Variants in KCNIP4 observed in about 807,000 individuals in gnomAD.
KCNIP4 encodes Kv channel-interacting protein 4.
In KCNIP4, 12 loss-of-function variants were observed where a neutral mutation model predicts 34.0. The ratio of observed to expected loss-of-function variants is 0.35; its 90% CI spans 0.23 to 0.57. KCNIP4 has a LOEUF of 0.57. Ranked by LOEUF, KCNIP4 falls within the 20% of genes least tolerant of loss-of-function variation. The pLI is 0.83. For synonymous variants in KCNIP4, 124 were observed against 102.2 expected (o/e 1.21, Z -1.29); for missense variants, 238 against 311.7 (o/e 0.76, Z 1.78).
At chr4:20,912,463 A>G (rs1472495131) in intron 1 of KCNIP4, among the ~76,000 whole-genome samples, 1 of 152,192 alleles carries the variant, frequency 6.6e-6, no homozygotes, top group Admixed American at 6.5e-5. Flanking sequence ...CACCTGTAAC[A>G]TAACAACTAG....
At chr4:21,532,944 C>T (rs1470818872) in intron 1 of KCNIP4, among the ~76,000 whole-genome samples, 5 of 135,286 alleles carry the variant, frequency 3.7e-5, no homozygotes, top group African/African-American at 1.2e-4. Flanking sequence ...TGTTAGATTT[C>T]CTATTAAAAG....
intron 2 of KCNIP4, among the ~76,000 whole-genome samples, chr4:20,860,880 G>A (rs1267181297): frequency 6.6e-6 from 1 of 152,096 alleles, no homozygotes; most frequent in Admixed American, 6.6e-5. Flanking sequence ...GATACATCAG[G>A]ACAAAGAAAA....
intron 1 of KCNIP4, among the ~76,000 whole-genome samples, chr4:21,034,596 C>T (rs1382927530): frequency 1.3e-5 from 2 of 152,052 alleles, no homozygotes; most frequent in Non-Finnish European, 2.9e-5. Context: ...CTGGGGACAG[C>T]CTGAGAAATG....
intron 1 of KCNIP4, among the ~76,000 whole-genome samples, chr4:21,497,254 T>G (rs1015368395): frequency 3.3e-5 from 5 of 152,172 alleles, no homozygotes; most frequent in Non-Finnish European, 7.4e-5. Context: ...AAGATTGATA[T>G]AGTGCACACA....
intron 1 of KCNIP4, among the ~76,000 whole-genome samples, chr4:21,932,036 C>T (rs1200005645): frequency 1.3e-5 from 2 of 152,104 alleles, no homozygotes; most frequent in Non-Finnish European, 2.9e-5. Flanking sequence ...AGTCAGCAGA[C>T]ATCAGACCCA....
At chr4:20,985,054 A>T (rs1577486378) in intron 1 of KCNIP4, among the ~76,000 whole-genome samples, 1 of 152,170 alleles carries the variant, frequency 6.6e-6, no homozygotes, top group Admixed American at 6.5e-5. Context: ...TTTGTTGGTT[A>T]TCTCCAGTCT....
rs146911329 is a variant in KCNIP4 at position 20,973,438 on chromosome 4, G to C, written c.62-90729C>G. Among the ~76,000 whole-genome samples, 6 of 152,310 alleles carry C rather than the reference G, an allele frequency of 3.9e-5. No individual in the cohort carries two copies. In the East Asian group the frequency reaches 9.7e-4, roughly 25 times the overall value. ...GGGTTAAGTTTTGAATTAAGGGAAG[G>C]TTGTGGCTGGTTTGATATTCTATTC... is the stretch of plus-strand genomic sequence containing the variant. On this transcript the variant is annotated intron_variant, in intron 1 of 8. Transcript: ENST00000382152.
chr4:20,766,285 G>T (rs575369093), intron 3 of KCNIP4, among the ~76,000 whole-genome samples: 1 of 152,150 alleles, frequency 6.6e-6, no homozygotes, highest in Non-Finnish European at 1.5e-5. Flanking sequence ...AGCAACTTTA[G>T]AGGCCAGGCA....
intron 1 of KCNIP4, among the ~76,000 whole-genome samples, chr4:20,966,944 G>A (rs1305202320): frequency 1.3e-5 from 2 of 152,262 alleles, no homozygotes; most frequent in South Asian, 4.2e-4. Flanking sequence ...ATGGGCAGGA[G>A]AACTGAGGTT....
chr4:21,414,513 T>A (rs1244304795), intron 1 of KCNIP4, among the ~76,000 whole-genome samples: 4 of 152,160 alleles, frequency 2.6e-5, no homozygotes, highest in Non-Finnish European at 5.9e-5. Flanking sequence ...GTTGCTATGA[T>A]AAACATTATG....
intron 1 of KCNIP4, among the ~76,000 whole-genome samples, chr4:21,447,067 A>G (rs1728084623): frequency 6.6e-6 from 1 of 152,126 alleles, no homozygotes. Flanking sequence ...GGCCTGCCCT[A>G]CAAGTTTTAT....
At chr4:21,256,011 T>C (rs1761039839) in intron 1 of KCNIP4, among the ~76,000 whole-genome samples, 1 of 151,720 alleles carries the variant, frequency 6.6e-6, no homozygotes, top group Admixed American at 6.6e-5. Flanking sequence ...AAGAACCACA[T>C]AGCAGGCTAG....
intron 1 of KCNIP4, among the ~76,000 whole-genome samples, chr4:21,439,021 G>A (rs930714450): frequency 7.2e-5 from 11 of 152,080 alleles, no homozygotes; most frequent in African/African-American, 1.4e-4. Context: ...AATTAACCGG[G>A]CGTGGCGGCG....
intron 1 of KCNIP4, among the ~76,000 whole-genome samples, chr4:21,558,706 T>A (rs756890062): frequency 2.9e-4 from 44 of 152,186 alleles, no homozygotes; most frequent in Non-Finnish European, 5.0e-4. Flanking sequence ...ATCAAAGTGA[T>A]GATTAAAGAA....
chr4:21,910,132 A>G (rs1228117066), intron 1 of KCNIP4, among the ~76,000 whole-genome samples: 1 of 152,078 alleles, frequency 6.6e-6, no homozygotes, highest in East Asian at 1.9e-4. Context: ...CAGAGGAACT[A>G]CGGTGTCTCT....
intron 1 of KCNIP4, among the ~76,000 whole-genome samples, chr4:21,551,112 C>T (rs796309125): frequency 1.3e-4 from 20 of 151,886 alleles, no homozygotes; most frequent in African/African-American, 2.7e-4. Flanking sequence ...TGGAGATAGA[C>T]GTAGATATAT....
intron 1 of KCNIP4, among the ~76,000 whole-genome samples, chr4:21,629,937 A>C (rs1169338433): frequency 7.4e-6 from 1 of 135,178 alleles, no homozygotes; most frequent in Non-Finnish European, 1.5e-5. Context: ...TGTAGGCTTA[A>C]CCTCCTGGTC....
chr4:21,927,648 T>C (rs1729331337), intron 1 of KCNIP4, among the ~76,000 whole-genome samples: 1 of 152,214 alleles, frequency 6.6e-6, no homozygotes, highest in South Asian at 2.1e-4. Flanking sequence ...GGCTAGAGAA[T>C]GAGTAACAAG....
chr4:21,035,881 C>A (rs956540550), intron 1 of KCNIP4, among the ~76,000 whole-genome samples: 1 of 152,102 alleles, frequency 6.6e-6, no homozygotes, highest in Admixed American at 6.5e-5. Flanking sequence ...GAGAGTGGGA[C>A]GTGCTTGAGA....
Sources: gnomAD v4.1 joint callset for allele counts (sites outside exome capture counted in the v4.1 genomes callset) on GRCh38, gnomAD v4.1.1 for gene constraint, MANE v1.5 for transcripts, NCBI Gene and HGNC (gene_info 2026-07-23, HGNC 2026-07-21) for gene names.